The following CACNB2 variants were observed in gnomAD, a reference collection of about 807,000 sequenced individuals.
CACNB2 encodes the protein calcium voltage-gated channel auxiliary subunit beta 2.
CACNB2 carries 42 observed loss-of-function variants against 73.3 expected under a neutral mutation model. The observed-to-expected ratio is 0.57, with a 90% confidence interval of 0.45 to 0.74. The LOEUF (loss-of-function observed/expected upper bound fraction) is 0.74. Among genes scored for constraint, CACNB2 ranks in the 30% least tolerant of loss-of-function variants. The pLI is 0.00. For synonymous variants in CACNB2, 348 were observed against 310.3 expected, an observed-to-expected ratio of 1.12 and a Z score of -1.28; for missense variants, 940 against 853.0, an observed-to-expected ratio of 1.10 and a Z score of -1.27.
At chr10:18,333,053 A>G (rs941694737) in intron 2 of CACNB2, among the ~76,000 whole-genome samples, 1 of 152,174 alleles carries the variant, frequency 6.6e-6, no homozygotes, top group African/African-American at 2.4e-5. Context: ...AATTGCTTGA[A>G]GTGGCAGCTT....
chr10:18,480,060 T>G lies in CACNB2; in HGVS notation c.334-18295T>G, dbSNP rs146826033. Reference sequence around the variant, plus strand: ...TCCTCAAAGGAAAGCGAGTTATGAATAGGGGCATTCAAAATTTTATGACTT... The same window carrying G: ...TCCTCAAAGGAAAGCGAGTTATGAAGAGGGGCATTCAAAATTTTATGACTT... On this transcript the variant is annotated intron_variant, in intron 3 of 13. Coordinates refer to ENST00000324631, the MANE Select transcript of CACNB2 (RefSeq NM_201596.3). Among the ~76,000 whole-genome samples the G allele has an allele frequency of 3.9e-5, 6 of 152,322 alleles. 1 individual carries two copies. The highest frequency in any genetic ancestry group is 7.3e-5 in the Non-Finnish European group (5 of 68,030).
intron 2 of CACNB2, among the ~76,000 whole-genome samples, chr10:18,172,191 C>T (rs982853060): frequency 1.3e-5 from 2 of 152,054 alleles, no homozygotes; most frequent in Non-Finnish European, 2.9e-5. Flanking sequence ...GGCAAAACCC[C>T]GTCTCTACTG....
At chr10:18,313,882 A>C (rs2040056735) in intron 2 of CACNB2, among the ~76,000 whole-genome samples, 1 of 152,258 alleles carries the variant, frequency 6.6e-6, no homozygotes, top group Admixed American at 6.5e-5. Flanking sequence ...ATTTCTGGTT[A>C]CTACAAAAAT....
chr10:18,470,970 G>A (rs1160091461), intron 3 of CACNB2, among the ~76,000 whole-genome samples: 1 of 152,130 alleles, frequency 6.6e-6, no homozygotes, highest in Non-Finnish European at 1.5e-5. Context: ...TATGGTAGAT[G>A]CCATTTCAAG....
At chr10:18,431,087 ATCC>A (rs993605977) in intron 3 of CACNB2, among the ~76,000 whole-genome samples, 12 of 151,962 alleles carry the variant, frequency 7.9e-5, no homozygotes, top group African/African-American at 2.9e-4. Context: ...GGTTCAAGCA[ATCC>A]TCTCACCTCA....
At chr10:18,220,232 T>TAGAGAGAGAGAGAGAGAG (rs1169176468) in intron 2 of CACNB2, among the ~76,000 whole-genome samples, 6 of 25,082 alleles carry the variant, frequency 2.4e-4, no homozygotes, top group Non-Finnish European at 3.7e-4. Flanking sequence ...TATATATATA[T>TAGAGAGAGAGAGAGAGAG]AGAGAGAGAG....
At chr10:18,372,836 G>A (rs1165338119) in intron 2 of CACNB2, among the ~76,000 whole-genome samples, 3 of 152,166 alleles carry the variant, frequency 2.0e-5, no homozygotes, top group African/African-American at 7.2e-5. Context: ...GACCAAATGA[G>A]TTAGTATATT....
intron 3 of CACNB2, among the ~76,000 whole-genome samples, chr10:18,475,836 G>T (rs1197349781): frequency 1.3e-5 from 2 of 152,172 alleles, no homozygotes; most frequent in African/African-American, 4.8e-5. Context: ...GGCTTGAAAT[G>T]GTTTAGGTAC....
chr10:18,240,698 G>A (rs759181095), intron 2 of CACNB2, among the ~76,000 whole-genome samples: 3 of 152,010 alleles, frequency 2.0e-5, no homozygotes, highest in Non-Finnish European at 4.4e-5. Flanking sequence ...AGTCATTCTC[G>A]ATGACCTTCC....
chr10:18,205,079 G>C (rs1005895466), intron 2 of CACNB2, among the ~76,000 whole-genome samples: 10 of 73,130 alleles, frequency 1.4e-4, no homozygotes, highest in Non-Finnish European at 4.5e-4. Context: ...TTGTTTTTGA[G>C]GGTTTTTAAA....
At chr10:18,409,923 C>T (rs1258888888) in intron 3 of CACNB2, among the ~76,000 whole-genome samples, 1 of 152,126 alleles carries the variant, frequency 6.6e-6, no homozygotes, top group African/African-American at 2.4e-5. Flanking sequence ...TCTCAGCTAT[C>T]CTTCTGATTG....
chr10:18,299,482 A>G (rs891629059), intron 2 of CACNB2, among the ~76,000 whole-genome samples: 45 of 152,136 alleles, frequency 3.0e-4, no homozygotes, highest in African/African-American at 1.1e-3. Context: ...GACTTTGGAT[A>G]TACTAATTAG....
chr10:18,504,746 G>A (rs1452109631), intron 5 of CACNB2, among the ~76,000 whole-genome samples: 1 of 152,132 alleles, frequency 6.6e-6, no homozygotes, highest in Non-Finnish European at 1.5e-5. Flanking sequence ...CCCGGTTCAA[G>A]CGATTCTCCT....
chr10:18,475,519 C>G (rs978069236), intron 3 of CACNB2, among the ~76,000 whole-genome samples: 1 of 152,142 alleles, frequency 6.6e-6, no homozygotes, highest in Non-Finnish European at 1.5e-5. Context: ...ATAAGCATTT[C>G]TTATTGTATT....
At chr10:18,466,070 A>T (rs1355394069) in intron 3 of CACNB2, among the ~76,000 whole-genome samples, 1 of 152,104 alleles carries the variant, frequency 6.6e-6, no homozygotes, top group African/African-American at 2.4e-5. Flanking sequence ...CACTTGACAA[A>T]CACATACAGG....
chr10:18,459,538 C>T (rs1168305419), intron 3 of CACNB2, among the ~76,000 whole-genome samples: 1 of 152,240 alleles, frequency 6.6e-6, no homozygotes, highest in African/African-American at 2.4e-5. Context: ...TCTCACCTGG[C>T]TGTGGTGCTC....
In CACNB2 at chr10:18,373,658, C is replaced by T. The variant is rs564066382; in HGVS notation, c.214-28266C>T. 5.3e-5 allele frequency among the ~76,000 whole-genome samples: 8 copies of T among 152,332 alleles called. No individual in the cohort carries two copies. In the East Asian group the frequency reaches 1.5e-3, roughly 29 times the overall value. On this transcript the variant is annotated intron_variant, in intron 2 of 13. Coordinates refer to ENST00000324631, the MANE Select transcript of CACNB2 (RefSeq NM_201596.3). ...TCCCATGAAGTCACCCTCACAATTTCTCATTTGTTCTCTCAAGCCTTTGAG... is the reference window on the plus strand; with the variant it reads ...TCCCATGAAGTCACCCTCACAATTTTTCATTTGTTCTCTCAAGCCTTTGAG...
At chr10:18,151,097 T>G (rs183529383) in intron 2 of CACNB2, 122 bp downstream of exon 2, 15 of 742,990 alleles carry the variant, frequency 2.0e-5, no homozygotes, top group Admixed American at 5.9e-5. Flanking sequence ...TTAATTGAAG[T>G]GAAGACGGTG....
intron 2 of CACNB2, among the ~76,000 whole-genome samples, chr10:18,292,381 G>A (rs1021739775): frequency 1.3e-5 from 2 of 152,198 alleles, no homozygotes; most frequent in Non-Finnish European, 1.5e-5. Flanking sequence ...AAGGTGGCTG[G>A]GTGCAGTGGC....
Sources: allele counts gnomAD v4.1 joint callset (sites outside exome capture counted in the v4.1 genomes callset), GRCh38; gene constraint gnomAD v4.1.1; transcripts MANE v1.5; gene names NCBI Gene and HGNC (gene_info 2026-07-23, HGNC 2026-07-21).